F8: variants seen among roughly 807,000 people sequenced by gnomAD.
F8 encodes antihemophilic factor.
F8 carries 12 observed loss-of-function variants against 140.6 expected under a neutral mutation model. The observed-to-expected ratio is 0.09, with a 90% CI of 0.05 to 0.14. F8 has a LOEUF of 0.14. Ranked by LOEUF, F8 falls within the 10% of genes least tolerant of loss-of-function variation. F8 has a pLI of 1.00. For missense variants in F8, 1,354 were observed against 1,720.7 expected (o/e 0.79, Z 3.77); for synonymous variants, 585 against 614.6 (o/e 0.95, Z 0.71).
At chrX:154,987,801 G>C in intron 4 of F8, among the ~76,000 whole-genome samples, 1 of 111,779 alleles carries the variant, frequency 8.9e-6, no homozygotes, top group Non-Finnish European at 1.9e-5. Context: ...ATCGATAGCT[G>C]AAGTTTTTAA....
At chrX:154,990,704 A>C (rs2073582940) in intron 4 of F8, among the ~76,000 whole-genome samples, 1 of 111,678 alleles carries the variant, frequency 9.0e-6, no homozygotes. Context: ...CGTAAAGGCT[A>C]ATGGAACATG....
intron 22 of F8, among the ~76,000 whole-genome samples, chrX:154,873,597 C>T (rs1557273786): frequency 8.9e-6 from 1 of 111,827 alleles, no homozygotes; most frequent in African/African-American, 3.3e-5. Context: ...AAATATACTA[C>T]AAGTCTCCAG....
At chrX:154,908,086 T>C (rs1557276469) in intron 14 of F8, among the ~76,000 whole-genome samples, 1 of 112,320 alleles carries the variant, frequency 8.9e-6, no homozygotes, top group African/African-American at 3.2e-5. Context: ...AAAATGTTTA[T>C]GATTTTATAT....
At chrX:154,852,436 T>C (rs1346809669) in intron 25 of F8, among the ~76,000 whole-genome samples, 7 of 111,869 alleles carry the variant, frequency 6.3e-5, no homozygotes, top group Non-Finnish European at 7.5e-5. Context: ...TATCCAATTG[T>C]CCCAGCACCA....
At chrX:155,003,394 A>G (rs782549155) in intron 1 of F8, among the ~76,000 whole-genome samples, 1 of 108,968 alleles carries the variant, frequency 9.2e-6, no homozygotes, top group Non-Finnish European at 1.9e-5. Flanking sequence ...GAAACTTCCA[A>G]TCAAAACTGA....
chrX:154,890,096 C>CT (rs1253230271), intron 22 of F8, among the ~76,000 whole-genome samples: 1 of 81,485 alleles, frequency 1.2e-5, no homozygotes, highest in Non-Finnish European at 2.2e-5. Flanking sequence ...CCCACAGACT[C>CT]TTTCTGTCAA....
intron 22 of F8, among the ~76,000 whole-genome samples, chrX:154,869,355 A>T (rs1557273394): frequency 8.9e-6 from 1 of 112,197 alleles, no homozygotes; most frequent in African/African-American, 3.2e-5. Context: ...CTCTCAGACC[A>T]CAGTGCAATC....
intron 25 of F8, among the ~76,000 whole-genome samples, chrX:154,854,115 A>C (rs1603431353): frequency 9.0e-6 from 1 of 111,635 alleles, no homozygotes; most frequent in East Asian, 2.8e-4. Context: ...CCTCTTTTCT[A>C]CTTTCTGTCT....
chrX:154,863,102 C>T lies in F8; in HGVS notation c.6555G>A (p.Leu2185=). The change falls in exon 23 of 26, where the codon TTG becomes TTA. Residue 2185 remains leucine, a synonymous_variant. Transcript: ENST00000360256. ...ACTTACTATTTAAATCACAGCCCATCAACTCCATGCGAAGAGTGCTGCGAA... is the reference window on the plus strand; with the variant it reads ...ACTTACTATTTAAATCACAGCCCATTAACTCCATGCGAAGAGTGCTGCGAA... The part of the protein sequence containing the change: ...YSIRSTLRME[L]MGCDLNSCSM... The T allele has an allele frequency of 8.3e-7, 1 of 1,211,314 alleles. No individual in the cohort carries two copies. The highest frequency in any genetic ancestry group is 1.1e-6 in the Non-Finnish European group (1 of 895,175).
At chrX:154,932,839 C>T (rs2073205170) in intron 13 of F8, among the ~76,000 whole-genome samples, 1 of 110,474 alleles carries the variant, frequency 9.1e-6, no homozygotes, top group Non-Finnish European at 1.9e-5. Context: ...CAGACTGGAG[C>T]AGGGGGATGC....
intron 10 of F8, among the ~76,000 whole-genome samples, chrX:154,958,377 T>C (rs1230535866): frequency 1.8e-5 from 2 of 111,533 alleles, no homozygotes; most frequent in South Asian, 3.7e-4. Context: ...TAAACTCATG[T>C]CAAACAGCAG....
intron 1 of F8, among the ~76,000 whole-genome samples, chrX:155,008,312 G>A (rs1337303394): frequency 8.9e-6 from 1 of 112,371 alleles, no homozygotes; most frequent in Non-Finnish European, 1.9e-5. Context: ...GCCACGTGGG[G>A]AGTCTCTGCC....
rs782133290 is a variant in F8, at chrX:154,939,101, C to T, written c.2114-7425G>A. 5.4e-5 allele frequency among the ~76,000 whole-genome samples: 6 copies of T among 111,057 alleles called. No individual in the cohort carries two copies. In the East Asian group the frequency reaches 8.5e-4, roughly 16 times the overall value. ...CTCCCAGCATAAGTGATGCAGAAGA[C>T]GGGTGATTTCTGCATTTCCAACTGA... is the stretch of plus-strand genomic sequence containing the variant. On this transcript the variant is annotated intron_variant, in intron 13 of 25. Transcript: ENST00000360256.
intron 1 of F8, among the ~76,000 whole-genome samples, chrX:155,002,817 G>A (rs782766581): frequency 9.0e-5 from 10 of 111,488 alleles, no homozygotes; most frequent in South Asian, 3.7e-4. Context: ...AGTGCACAAG[G>A]GTTCCAATTT....
At chrX:154,982,747 C>T (rs1363542205) in intron 6 of F8, among the ~76,000 whole-genome samples, 1 of 111,193 alleles carries the variant, frequency 9.0e-6, no homozygotes, top group Non-Finnish European at 1.9e-5. Context: ...ACTGAAAACT[C>T]TGCATGATGC....
intron 25 of F8, among the ~76,000 whole-genome samples, chrX:154,853,138 C>A (rs1224106996): frequency 1.8e-5 from 2 of 110,984 alleles, no homozygotes; most frequent in Non-Finnish European, 3.8e-5. Context: ...TTTTAGTGGA[C>A]AAGACTTGCA....
intron 3 of F8, 108 bp from the exon 4 acceptor site, chrX:154,993,256 G>T: frequency 1.5e-6 from 1 of 668,831 alleles, no homozygotes; most frequent in Non-Finnish European, 2.3e-6. Context: ...CGGACTTTCT[G>T]CATCTTTGTT....
At position 154,930,290 on chromosome X, in the gene F8, T is replaced by C; in HGVS notation, c.3500A>G (p.Asn1167Ser). 8.3e-7 allele frequency: 1 copy of C among 1,211,817 alleles called. No individual in the cohort carries two copies. The highest frequency in any genetic ancestry group is 1.8e-5 in the South Asian group (1 of 56,989). Residue 1167 changes from asparagine to serine, a missense_variant, in exon 14 of 26, where the codon AAC (asparagine) becomes AGC (serine). Physicochemically the swap from Asn to Ser is conservative, Grantham distance 46 (BLOSUM62 1). This residue lies in a region of F8 where 658 missense variants were observed against 666.5 expected (regional missense o/e 0.99). Coordinates refer to ENST00000360256, the MANE Select transcript of F8 (RefSeq NM_000132.4). Reference protein sequence around the residue: ...VEGQNFLSEKNKVVVGKGEFT... With the variant: ...VEGQNFLSEKSKVVVGKGEFT... ...TTCACCCTTTCCTACTACCACTTTG[T>C]TTTTCTCAGACAAGAAATTCTGACC...
chrX:154,849,461 C>CTTT (rs782727629), intron 25 of F8, among the ~76,000 whole-genome samples: 32 of 86,584 alleles, frequency 3.7e-4, no homozygotes, highest in African/African-American at 1.2e-3. Flanking sequence ...TTTACTTTTG[C>CTTT]TTTTTTTTTT....
Sources: gnomAD v4.1 joint callset for allele counts (sites outside exome capture counted in the v4.1 genomes callset) on GRCh38, gnomAD v4.1.1 for gene constraint, gnomAD v4.1.1 regional missense constraint, MANE v1.5 for transcripts, NCBI Gene and HGNC (gene_info 2026-07-23, HGNC 2026-07-21) for gene names.